The following CSMD3 variants were observed in gnomAD, a reference collection of about 807,000 sequenced individuals.
CSMD3 encodes CUB and Sushi multiple domains 3.
A neutral mutation model predicts 435.2 loss-of-function variants in CSMD3; 177 were observed. The ratio of observed to expected loss-of-function variants is 0.41; its 90% CI spans 0.36 to 0.46. The LOEUF (loss-of-function observed/expected upper bound fraction) is 0.46. Among genes scored for constraint, CSMD3 ranks in the 20% least tolerant of loss-of-function variants. CSMD3 has a pLI of 0.34. For synonymous variants in CSMD3, 1,656 were observed against 1,520.5 expected (o/e 1.09, Z -2.07); for missense variants, 4,265 against 4,504.6 (o/e 0.95, Z 1.52).
At chr8:113,153,246 G>GAGAA (rs1368120566) in intron 4 of CSMD3, among the ~76,000 whole-genome samples, 1 of 149,560 alleles carries the variant, frequency 6.7e-6, no homozygotes, top group Non-Finnish European at 1.5e-5. Flanking sequence ...AGAAAGAAGA[G>GAGAA]AGAAAGAAAG....
At chr8:112,757,469 T>C (rs1357144228) in intron 13 of CSMD3, among the ~76,000 whole-genome samples, 1 of 152,154 alleles carries the variant, frequency 6.6e-6, no homozygotes. Flanking sequence ...TCTTGTATTA[T>C]CTTCTTTCAT....
intron 68 of CSMD3, among the ~76,000 whole-genome samples, chr8:112,233,224 A>G (rs2129923372): frequency 6.6e-6 from 1 of 152,322 alleles, no homozygotes; most frequent in South Asian, 2.1e-4. Context: ...TAAGTCATGA[A>G]CATTATCATA....
intron 3 of CSMD3, among the ~76,000 whole-genome samples, chr8:113,267,570 G>T (rs560553834): frequency 3.3e-5 from 5 of 151,758 alleles, no homozygotes; most frequent in Admixed American, 1.3e-4. Flanking sequence ...ATGGTGGGAA[G>T]ATAGAAAACA....
In CSMD3 at chr8:112,507,191, A is replaced by C. The variant is rs553583176; in HGVS notation, c.4757-362T>G. Among the ~76,000 whole-genome samples, 8 of 152,304 alleles carry C rather than the reference A, an allele frequency of 5.3e-5. 1 individual carries two copies. Among genetic ancestry groups the C allele is most frequent in the African/African-American group, 1.9e-4 (8 of 41,568 alleles). ...ACCAGAAAAAATCAGATCAAAGCAA[A>C]ACAAAACCTCTAATAATAAATAGAA... On this transcript the variant is annotated intron_variant, in intron 28 of 70. Transcript: ENST00000297405.
chr8:112,834,519 G>A (rs1470760620), intron 11 of CSMD3, among the ~76,000 whole-genome samples: 1 of 151,650 alleles, frequency 6.6e-6, no homozygotes, highest in Non-Finnish European at 1.5e-5. Flanking sequence ...TTAATAGCAT[G>A]TGTAAATAAA....
intron 5 of CSMD3, among the ~76,000 whole-genome samples, chr8:113,083,909 G>A (rs1200096260): frequency 6.6e-6 from 1 of 152,074 alleles, no homozygotes. Context: ...AGAAGTTGAG[G>A]TGGCAGTGAG....
At chr8:113,302,733 A>C (rs534273856) in intron 2 of CSMD3, among the ~76,000 whole-genome samples, 1,919 of 149,412 alleles carry the variant, frequency 0.013, 26 homozygotes, top group African/African-American at 0.038. Flanking sequence ...AAAACTCTCA[A>C]TAAATTAGGT....
chr8:112,320,047 A>G, intron 45 of CSMD3, 66 bp from the exon 46 acceptor site: 1 of 1,019,468 alleles, frequency 9.8e-7, no homozygotes, highest in Non-Finnish European at 1.5e-6. Flanking sequence ...TATGCAAAAA[A>G]ACAAGAAAAT....
Position 113,353,963 on chromosome 8 carries a change from C to G in CSMD3, c.179-39170G>C, listed in dbSNP as rs193175952. Among the ~76,000 whole-genome samples the G allele has an allele frequency of 5.1e-3, 782 of 152,208 alleles. 12 individuals carry two copies. The highest frequency in any genetic ancestry group is 0.018 in the African/African-American group (755 of 41,546). On this transcript the variant is annotated intron_variant, in intron 1 of 70. Transcript: ENST00000297405. ...CCACTGACATCCTTTTTGTCTCCTA[C>G]TTTTCTCATATTATCTGTTTTCCTT...
chr8:113,173,291 A>G (rs2092297397), intron 4 of CSMD3, among the ~76,000 whole-genome samples: 1 of 152,076 alleles, frequency 6.6e-6, no homozygotes. Context: ...CTTTTCATGT[A>G]GTATATGAGA....
intron 1 of CSMD3, among the ~76,000 whole-genome samples, chr8:113,385,618 A>G (rs2094436121): frequency 6.6e-6 from 1 of 152,102 alleles, no homozygotes; most frequent in Non-Finnish European, 1.5e-5. Flanking sequence ...AGTGTCAAAT[A>G]TAAGTCTGCA....
intron 5 of CSMD3, among the ~76,000 whole-genome samples, chr8:113,078,360 G>C (rs2089429689): frequency 2.0e-5 from 3 of 152,092 alleles, no homozygotes; most frequent in Admixed American, 2.0e-4. Context: ...TTTTCTTATG[G>C]CATACAAAAT....
chr8:113,404,184 A>G (rs2129667338), intron 1 of CSMD3, among the ~76,000 whole-genome samples: 1 of 151,578 alleles, frequency 6.6e-6, no homozygotes, highest in East Asian at 1.9e-4. Context: ...GTACTATATG[A>G]ATAATAAAAA....
In CSMD3 at chr8:113,366,825, T is replaced by C. The variant is rs142785565; in HGVS notation, c.179-52032A>G. Among the ~76,000 whole-genome samples, 58 of 152,172 alleles carry C rather than the reference T, an allele frequency of 3.8e-4. No homozygotes were observed. The East Asian group carries it at 6.0e-3, about 16-fold the overall frequency. On this transcript the variant is annotated intron_variant, in intron 1 of 70. Transcript: ENST00000297405. ...ATCAACTGTATCTTGGGATAATGTG[T>C]TAACCATGAACAAATTATGCTTGCA...
chr8:112,362,316 G>A (rs984404390), intron 38 of CSMD3, among the ~76,000 whole-genome samples: 1 of 151,914 alleles, frequency 6.6e-6, no homozygotes, highest in Non-Finnish European at 1.5e-5. Context: ...CTGATGGGCA[G>A]CAATGCTTTG....
chr8:112,703,832 A>T (rs1418272040), intron 13 of CSMD3, among the ~76,000 whole-genome samples: 1 of 152,136 alleles, frequency 6.6e-6, no homozygotes, highest in Non-Finnish European at 1.5e-5. Context: ...GACTATAGTC[A>T]ATATTTAGAG....
chr8:112,795,005 A>T (rs2132307183), intron 13 of CSMD3, among the ~76,000 whole-genome samples: 1 of 152,262 alleles, frequency 6.6e-6, no homozygotes, highest in East Asian at 1.9e-4. Context: ...TAAATTTGTT[A>T]AATATTTACT....
chr8:112,399,523 G>A (rs1831139634), intron 35 of CSMD3, among the ~76,000 whole-genome samples: 1 of 152,072 alleles, frequency 6.6e-6, no homozygotes, highest in South Asian at 2.1e-4. Flanking sequence ...CCAAAGTACT[G>A]GGATTACAGT....
chr8:112,896,822 T>C (rs1463078720), intron 10 of CSMD3, among the ~76,000 whole-genome samples: 1 of 151,458 alleles, frequency 6.6e-6, no homozygotes, highest in Non-Finnish European at 1.5e-5. Context: ...ATAGCCTCTA[T>C]AAAAAACAAT....
Sources: gnomAD v4.1 joint callset for allele counts (sites outside exome capture counted in the v4.1 genomes callset) on GRCh38, gnomAD v4.1.1 for gene constraint, MANE v1.5 for transcripts, NCBI Gene and HGNC (gene_info 2026-07-23, HGNC 2026-07-21) for gene names.